Variants in RCL1 observed in about 807,000 individuals in gnomAD.
The protein encoded by RCL1 is RNA terminal phosphate cyclase like 1.
A neutral mutation model predicts 42.4 loss-of-function variants in RCL1; 24 were observed. The ratio of observed to expected loss-of-function variants is 0.57; its 90% confidence interval spans 0.41 to 0.80. RCL1 has a LOEUF of 0.80. Ranked by LOEUF, RCL1 falls within the 30% of genes least tolerant of loss-of-function variation. The pLI is 0.00. For synonymous variants in RCL1, 228 were observed against 177.3 expected, an observed-to-expected ratio of 1.29 and a Z score of -2.27; for missense variants, 578 against 467.9, an observed-to-expected ratio of 1.24 and a Z score of -2.17.
intron 1 of RCL1, among the ~76,000 whole-genome samples, chr9:4,795,200 C>G (rs931653234): frequency 1.3e-5 from 2 of 152,058 alleles, no homozygotes; most frequent in African/African-American, 2.4e-5. Context: ...GCCTCAGCCT[C>G]CCTCGTAGCT....
intron 8 of RCL1, among the ~76,000 whole-genome samples, chr9:4,854,086 T>C (rs1029984204): frequency 6.6e-6 from 1 of 152,192 alleles, no homozygotes; most frequent in African/African-American, 2.4e-5. Flanking sequence ...TGTCACCTGA[T>C]GTTTGAGCCC....
rs2129769127 is a variant in RCL1 at position 4,860,602 on chromosome 9, C to G, written c.*327C>G. Reference sequence around the variant, plus strand: ...AGTTCAGCTGTGCTTCCTCAGCCTACTATCATAGGCTTCCTCAGCCCTCTG... The same window carrying G: ...AGTTCAGCTGTGCTTCCTCAGCCTAGTATCATAGGCTTCCTCAGCCCTCTG... On this transcript the variant is annotated 3_prime_UTR_variant, in exon 9 of 9. Coordinates refer to ENST00000381750, the MANE Select transcript of RCL1 (RefSeq NM_005772.5). 4.3e-6 allele frequency: 1 copy of G among 235,042 alleles called. No individual in the cohort carries two copies. Among genetic ancestry groups the G allele is most frequent in the African/African-American group, 2.3e-5 (1 of 43,440 alleles). The allele number at this position is 235,042 out of a possible 1,614,324, so 14.6% of individuals were successfully genotyped here.
chr9:4,853,504 G>T (rs1587735689), intron 8 of RCL1, among the ~76,000 whole-genome samples: 1 of 152,020 alleles, frequency 6.6e-6, no homozygotes, highest in Admixed American at 6.6e-5. Context: ...TGTATTTTTA[G>T]TAGAGACGGG....
In RCL1 at chr9:4,849,535, C is replaced by T; in HGVS notation, c.956C>T (p.Pro319Leu). 1 of 1,610,612 alleles carries T rather than the reference C, an allele frequency of 6.2e-7. No individual in the cohort carries two copies. Among genetic ancestry groups the T allele is most frequent in the Non-Finnish European group, 8.5e-7 (1 of 1,176,792 alleles). ...QQDVSKVLLGPLSPYTIEFLR... is the reference protein window; with the variant it reads ...QQDVSKVLLGLLSPYTIEFLR... ...GATGTTTCCAAAGTCCTGCTAGGCC[C>T]TCTCTCTCCCTACACGTAAGTTATT... Residue 319 changes from proline (P) to leucine (L), a missense_variant, in exon 8 of 9, where the codon CCT (proline) becomes CTT (leucine). Pro to Leu is a moderately conservative substitution (Grantham distance 98). Coordinates refer to ENST00000381750, the MANE Select transcript of RCL1 (RefSeq NM_005772.5).
At chr9:4,809,244 C>T (rs115433663) in intron 1 of RCL1, among the ~76,000 whole-genome samples, 2 of 152,090 alleles carry the variant, frequency 1.3e-5, no homozygotes, top group African/African-American at 4.8e-5. Flanking sequence ...TACATATATC[C>T]TAACATTCTT....
intron 1 of RCL1, among the ~76,000 whole-genome samples, chr9:4,817,068 C>T (rs1962068): frequency 0.39 from 59,917 of 152,070 alleles, 12,098 homozygotes; most frequent in East Asian, 0.71. Flanking sequence ...CCGCCTGCCT[C>T]GGCCTCCCAA....
intron 3 of RCL1, chr9:4,827,284 A>T: frequency 7.6e-7 from 1 of 1,312,132 alleles, no homozygotes; most frequent in Non-Finnish European, 1.0e-6. Flanking sequence ...TTCAAAACAG[A>T]TGCTCTCCGT....
intron 5 of RCL1, among the ~76,000 whole-genome samples, chr9:4,837,396 A>C (rs1817176014): frequency 6.6e-6 from 1 of 152,186 alleles, no homozygotes; most frequent in Non-Finnish European, 1.5e-5. Flanking sequence ...CATTCCAATA[A>C]GTGTACAGGA....
intron 1 of RCL1, among the ~76,000 whole-genome samples, chr9:4,816,996 T>C (rs1355271001): frequency 1.3e-5 from 2 of 152,140 alleles, no homozygotes; most frequent in Admixed American, 1.3e-4. Context: ...TTTTTGTATT[T>C]TTGGTAGAGA....
At chr9:4,808,361 G>T (rs943407426) in intron 1 of RCL1, among the ~76,000 whole-genome samples, 5 of 152,020 alleles carry the variant, frequency 3.3e-5, no homozygotes, top group African/African-American at 9.7e-5. Flanking sequence ...AAGCTGGAGT[G>T]CAGTGGTGTG....
At chr9:4,814,058 G>C (rs549960816) in intron 1 of RCL1, among the ~76,000 whole-genome samples, 1 of 152,122 alleles carries the variant, frequency 6.6e-6, no homozygotes, top group African/African-American at 2.4e-5. Context: ...GGAATGACGA[G>C]TTAATGGGTG....
At chr9:4,835,612 G>C (rs1215802034) in intron 5 of RCL1, among the ~76,000 whole-genome samples, 1 of 152,198 alleles carries the variant, frequency 6.6e-6, no homozygotes, top group African/African-American at 2.4e-5. Context: ...CAAAAAGATT[G>C]GTAAGGATTT....
At chr9:4,826,630 T>G (rs1311591157) in intron 2 of RCL1, among the ~76,000 whole-genome samples, 3 of 152,212 alleles carry the variant, frequency 2.0e-5, no homozygotes, top group Non-Finnish European at 4.4e-5. Flanking sequence ...GAGAGGGGTT[T>G]ACTTTATTAC....
intron 8 of RCL1, among the ~76,000 whole-genome samples, chr9:4,854,571 C>T (rs1749583890): frequency 6.6e-6 from 1 of 152,084 alleles, no homozygotes; most frequent in Admixed American, 6.6e-5. Context: ...AGAGGGCTCA[C>T]CCCATGATTG....
chr9:4,810,600 A>G (rs899653389), intron 1 of RCL1, among the ~76,000 whole-genome samples: 1 of 151,558 alleles, frequency 6.6e-6, no homozygotes, highest in Non-Finnish European at 1.5e-5. Context: ...TTCCACTTTT[A>G]ACTATTAAAA....
chr9:4,818,457 A>T (rs1345469692), intron 1 of RCL1, among the ~76,000 whole-genome samples: 1 of 152,198 alleles, frequency 6.6e-6, no homozygotes, highest in East Asian at 1.9e-4. Context: ...AAGTGAGTGG[A>T]TGTCTTAATT....
chr9:4,857,378 C>G (rs761424983), intron 8 of RCL1, among the ~76,000 whole-genome samples: 1 of 151,984 alleles, frequency 6.6e-6, no homozygotes, highest in Admixed American at 6.5e-5. Context: ...TCCTTTGTGA[C>G]TGGATTCTTT....
intron 1 of RCL1, among the ~76,000 whole-genome samples, chr9:4,806,798 T>G (rs1308693056): frequency 6.6e-6 from 1 of 152,198 alleles, no homozygotes; most frequent in Non-Finnish European, 1.5e-5. Context: ...ATTGGAAAGT[T>G]TCCTGTTTTC....
At chr9:4,834,990 G>T (rs563212556) in intron 5 of RCL1, among the ~76,000 whole-genome samples, 21 of 152,216 alleles carry the variant, frequency 1.4e-4, no homozygotes, top group Non-Finnish European at 2.6e-4. Flanking sequence ...ATAGAAAGGA[G>T]CCTTGAAGAA....
Sources: gnomAD v4.1 joint callset for allele counts (sites outside exome capture counted in the v4.1 genomes callset) on GRCh38, gnomAD v4.1.1 for gene constraint, MANE v1.5 for transcripts, NCBI Gene and HGNC (gene_info 2026-07-23, HGNC 2026-07-21) for gene names.